Variants in UACA observed in about 807,000 individuals in gnomAD.
The protein encoded by UACA is nuclear membrane binding protein.
Under a neutral mutation model 160.5 loss-of-function variants are expected in UACA, and 112 were observed. That is an observed-to-expected ratio of 0.70 (90% CI 0.60 to 0.82). The LOEUF (loss-of-function observed/expected upper bound fraction) is 0.82, where lower values mean the gene tolerates loss of function less well. Ranked by LOEUF, UACA falls within the 40% of genes least tolerant of loss-of-function variation. The probability of loss-of-function intolerance (pLI) is 0.00; values close to 1 mark genes in which losing one functional copy is unlikely to be tolerated. For synonymous variants in UACA, 557 were observed against 568.4 expected (o/e 0.98, Z 0.29); for missense variants, 1,574 against 1,614.6 (o/e 0.97, Z 0.43).
chr15:70,677,122 C>G lies in UACA; in HGVS notation c.1018G>C (p.Asp340His). 6.2e-7 allele frequency: 1 copy of G among 1,603,080 alleles called. No homozygotes were observed. Among genetic ancestry groups the G allele is most frequent in the Non-Finnish European group, 8.5e-7 (1 of 1,174,854 alleles). The change falls in exon 12 of 19, where the codon GAT becomes CAT. Residue 340 changes from aspartate to histidine, a missense_variant. Transcript: ENST00000322954. ...QLNEEVMVAD[D>H]LESEREKLKS... ...TGTCACCCTACCTCGCTTTCCAGAT[C>G]ATCAGCAACCATAACTTCCTAAATT...
chr15:70,755,096 A>G (rs978310824), intron 1 of UACA, among the ~76,000 whole-genome samples: 3 of 152,212 alleles, frequency 2.0e-5, no homozygotes, highest in Non-Finnish European at 2.9e-5. Context: ...AAAAGTTTCC[A>G]TATGATAGTG....
In UACA at chr15:70,699,633, C is replaced by T. The variant is rs772919419; in HGVS notation, c.106G>A (p.Asp36Asn). 1.2e-5 allele frequency: 20 copies of T among 1,608,994 alleles called. No homozygotes were observed. Among genetic ancestry groups the T allele is most frequent in the Non-Finnish European group, 1.4e-5 (16 of 1,178,766 alleles). The change falls in exon 2 of 19, where the codon GAC becomes AAC. Residue 36 changes from aspartate to asparagine, a missense_variant. Asp to Asn is a conservative substitution (Grantham distance 23). Transcript: ENST00000322954. Reference protein sequence around the residue: ...AHAADWNKYDDRLMKAAERGD... With the variant: ...AHAADWNKYDNRLMKAAERGD... ...CTTTCTGCTGCTTTCATCAATCGGT[C>T]ATCATATTTATTCCAATCTGCTGCA...
At position 70,664,575 on chromosome 15, in the gene UACA, G is replaced by T. The variant is rs76515938; in HGVS notation, c.4113+87C>A. 3.1e-3 allele frequency: 4,550 copies of T among 1,450,660 alleles called. 116 individuals are homozygous for T. The African/African-American group carries it at 0.058, about 18-fold the overall frequency. The allele number at this position is 1,450,660 out of a possible 1,614,324, so 89.9% of individuals were successfully genotyped here. ...TCTTGGATCCGAACATAGCTACAGA[G>T]CACTTTAATTTCTAAATGAGCCTTA... On this transcript the variant is annotated intron_variant, in intron 17 of 18. Coordinates refer to ENST00000322954, the MANE Select transcript of UACA (RefSeq NM_018003.4).
At chr15:70,663,785 T>G (rs1053309225) in intron 17 of UACA, among the ~76,000 whole-genome samples, 1 of 145,284 alleles carries the variant, frequency 6.9e-6, no homozygotes, top group Non-Finnish European at 1.5e-5. Context: ...AACCAAACAC[T>G]GCATGTTCTC....
Position 70,655,017 on chromosome 15 carries a change from G to A in UACA, c.*2039C>T, listed in dbSNP as rs943753105. 2 of 152,164 alleles carry A rather than the reference G, an allele frequency of 1.3e-5. No individual in the cohort carries two copies. Among genetic ancestry groups the A allele is most frequent in the Non-Finnish European group, 1.5e-5 (1 of 68,038 alleles). The allele number at this position is 152,164 out of a possible 1,614,324, so 9.4% of individuals were successfully genotyped here. On this transcript the variant is annotated 3_prime_UTR_variant, in exon 19 of 19. Coordinates refer to ENST00000322954, the MANE Select transcript of UACA (RefSeq NM_018003.4). ...TGGGTATTCTCCCTTGTACTTTGGA[G>A]TCCATCGTTTCCTACTCCCAATGCT...
chr15:70,728,678 C>T (rs896574868), intron 1 of UACA, among the ~76,000 whole-genome samples: 12 of 151,232 alleles, frequency 7.9e-5, no homozygotes, highest in South Asian at 2.1e-4. Flanking sequence ...GCAAAGAAAG[C>T]GAAAATTGAA....
intron 1 of UACA, among the ~76,000 whole-genome samples, chr15:70,712,256 T>C (rs1406302710): frequency 1.3e-5 from 2 of 152,106 alleles, no homozygotes; most frequent in East Asian, 3.9e-4. Context: ...CTTGACACCT[T>C]CCTTTCCTTG....
chr15:70,658,624 TACTTTAA>T (rs1394423896), intron 18 of UACA, among the ~76,000 whole-genome samples: 5 of 152,206 alleles, frequency 3.3e-5, no homozygotes, highest in African/African-American at 9.6e-5. Flanking sequence ...TTTTAAAAAA[TACTTTAA>T]ACTTAAAATG....
chr15:70,715,903 CAAGTT>C (rs1898807207), intron 1 of UACA, among the ~76,000 whole-genome samples: 1 of 152,274 alleles, frequency 6.6e-6, no homozygotes, highest in East Asian at 1.9e-4. Flanking sequence ...AAGAACCCTT[CAAGTT>C]AAGTCAAACT....
chr15:70,705,704 A>G (rs1335142929), intron 1 of UACA, among the ~76,000 whole-genome samples: 1 of 152,156 alleles, frequency 6.6e-6, no homozygotes, highest in African/African-American at 2.4e-5. Flanking sequence ...TTTCTTAAAC[A>G]AAATACGGCA....
chr15:70,744,902 A>G (rs1392936711), intron 1 of UACA, among the ~76,000 whole-genome samples: 1 of 152,198 alleles, frequency 6.6e-6, no homozygotes, highest in Non-Finnish European at 1.5e-5. Context: ...TGAGAACCTC[A>G]TAACAGCCAT....
In UACA at chr15:70,686,484, C is replaced by CTTTTTTT. The variant is rs59586401; in HGVS notation, c.602+1049_602+1055dup. On this transcript the variant is annotated intron_variant, in intron 7 of 18. Transcript: ENST00000322954. ...AAGGGGAGTTGTAGAAGCCAGGGTT[C>CTTTTTTT]TTTTTTTTTTTTTTTTTTTTTTTAT... Among the ~76,000 whole-genome samples the CTTTTTTT allele has an allele frequency of 2.0e-3, 212 of 104,412 alleles. 1 individual carries two copies. The highest frequency in any genetic ancestry group is 3.4e-3 in the East Asian group (11 of 3,248). The allele number at this position is 104,412 out of a possible 152,430, so 68.5% of individuals were successfully genotyped here.
At chr15:70,661,329 T>A (rs1337941268) in intron 17 of UACA, 1 of 152,220 alleles carries the variant, frequency 6.6e-6, no homozygotes, top group Non-Finnish European at 1.5e-5. Context: ...TTTATGAATC[T>A]GTATTTTGCC....
At position 70,668,901 on chromosome 15, in the gene UACA, G is replaced by A; in HGVS notation, c.1783C>T (p.Leu595Phe). The change falls in exon 16 of 19, where the codon CTT (leucine) becomes TTT (phenylalanine). Residue 595 changes from leucine (L) to phenylalanine (F), a missense_variant. Coordinates refer to ENST00000322954, the MANE Select transcript of UACA (RefSeq NM_018003.4). ...IEENKRLQKE[L>F]SMCEMEREKK... The stretch of plus-strand genomic sequence containing the variant: ...TCTCGCTCCATTTCACACATACTAA[G>A]TTCCTTCTGTAATCGCTTATTTTCT... 6.2e-7 allele frequency: 1 copy of A among 1,613,356 alleles called. No individual in the cohort carries two copies.
chr15:70,699,947 G>A (rs1274855597), intron 1 of UACA, among the ~76,000 whole-genome samples: 1 of 151,902 alleles, frequency 6.6e-6, no homozygotes, highest in African/African-American at 2.4e-5. Context: ...AGGCAAAAAA[G>A]GAAATCAATA....
chr15:70,758,382 TAATTTAAGGTTGG>T (rs2030553483), intron 1 of UACA: 1 of 152,256 alleles, frequency 6.6e-6, no homozygotes, highest in African/African-American at 2.4e-5. Context: ...TAAGCATTTT[TAATTTAAGGTTGG>T]AATAGTTAAT....
chr15:70,746,986 G>T (rs1368073926), intron 1 of UACA, among the ~76,000 whole-genome samples: 1 of 152,084 alleles, frequency 6.6e-6, no homozygotes, highest in Non-Finnish European at 1.5e-5. Flanking sequence ...CCTGTCAGGG[G>T]GTGGCAGGCA....
Position 70,672,088 on chromosome 15 carries a change from T to C in UACA, c.1132-87A>G, listed in dbSNP as rs191247366. 5.4e-5 allele frequency: 63 copies of C among 1,156,578 alleles called. No homozygotes were observed. In the African/African-American group the frequency reaches 9.1e-4, roughly 17 times the overall value. 71.6% of individuals were successfully genotyped at this position (1,156,578 alleles called of 1,614,324 possible). A position where few individuals can be genotyped will look rare whatever the true frequency, so the allele number is the denominator to read the frequency against. On this transcript the variant is annotated intron_variant, in intron 13 of 18. Coordinates refer to ENST00000322954, the MANE Select transcript of UACA (RefSeq NM_018003.4). ...TCTATTTTAGCTCTAAATCATGCAG[T>C]CATTAAAACTACATTTTTGACATTC...
rs753531868 is a variant in UACA at position 70,684,230 on chromosome 15, T to C, written c.784+35A>G. On this transcript the variant is annotated intron_variant, in intron 8 of 18. Transcript: ENST00000322954. ...CTTTTAAAAAGTGGCTCTTTGTTAA[T>C]GTGGACTTTTCTAGTTACAGAAAAC... The C allele has an allele frequency of 3.2e-6, 5 of 1,551,844 alleles. No individual in the cohort carries two copies. The South Asian group carries it at 5.0e-5, about 16-fold the overall frequency.
Sources: allele counts gnomAD v4.1 joint callset (sites outside exome capture counted in the v4.1 genomes callset), GRCh38; gene constraint gnomAD v4.1.1; transcripts MANE v1.5; gene names NCBI Gene and HGNC (gene_info 2026-07-23, HGNC 2026-07-21).